Variants in PALM2AKAP2 observed in about 807,000 individuals in gnomAD.
PALM2AKAP2 encodes the protein PALM2-AKAP2 fusion protein.
Under a neutral mutation model 71.5 loss-of-function variants are expected in PALM2AKAP2, and 37 were observed. That is an observed-to-expected ratio of 0.52 (90% CI 0.40 to 0.68). The LOEUF is 0.68. Ranked by LOEUF, PALM2AKAP2 falls within the 30% of genes least tolerant of loss-of-function variation. The pLI, the probability that PALM2AKAP2 is intolerant of heterozygous loss-of-function variation, is 0.00. For missense variants in PALM2AKAP2, 1,224 were observed against 1,191.8 expected (o/e 1.03, Z -0.40); for synonymous variants, 468 against 478.8 (o/e 0.98, Z 0.29).
At chr9:109,979,971 C>T (rs1832240139) in intron 6 of PALM2AKAP2, among the ~76,000 whole-genome samples, 1 of 152,136 alleles carries the variant, frequency 6.6e-6, no homozygotes, top group Non-Finnish European at 1.5e-5. Flanking sequence ...TGGGAATAGG[C>T]TGCTTTTCAA....
At chr9:109,918,150 A>G (rs954344424) in intron 3 of PALM2AKAP2, among the ~76,000 whole-genome samples, 2 of 152,224 alleles carry the variant, frequency 1.3e-5, no homozygotes, top group Non-Finnish European at 2.9e-5. Flanking sequence ...ATGAGCAGAC[A>G]CTGTGTCTGA....
chr9:109,676,474 A>G (rs1827650823), intron 1 of PALM2AKAP2, among the ~76,000 whole-genome samples: 1 of 152,204 alleles, frequency 6.6e-6, no homozygotes, highest in South Asian at 2.1e-4. Context: ...TTTTACTGCA[A>G]TCATTGAGAC....
At chr9:110,075,772 GAA>G (rs1184457057) in intron 1 of PALM2AKAP2, among the ~76,000 whole-genome samples, 1 of 151,882 alleles carries the variant, frequency 6.6e-6, no homozygotes, top group African/African-American at 2.4e-5. Flanking sequence ...TTTAAACTTA[GAA>G]AAGAGTTGCA....
intron 1 of PALM2AKAP2, among the ~76,000 whole-genome samples, chr9:109,844,973 G>A (rs1026841344): frequency 8.1e-5 from 12 of 147,776 alleles, no homozygotes; most frequent in African/African-American, 2.6e-4. Context: ...GTGCACACAC[G>A]CATGCACGCA....
At chr9:109,928,141 C>T (rs1285776400) in intron 5 of PALM2AKAP2, among the ~76,000 whole-genome samples, 1 of 152,156 alleles carries the variant, frequency 6.6e-6, no homozygotes, top group East Asian at 1.9e-4. Flanking sequence ...TCACTCTTGT[C>T]GCCCAGGCTG....
At chr9:109,672,945 G>A (rs12346582) in intron 1 of PALM2AKAP2, among the ~76,000 whole-genome samples, 55,458 of 151,710 alleles carry the variant, frequency 0.37, 10,400 homozygotes, top group Middle Eastern at 0.51. Flanking sequence ...GGTCAGTGAT[G>A]ATATCCTCCT....
At position 109,700,368 on chromosome 9, in the gene PALM2AKAP2, C is replaced by T. The variant is rs536945106; in HGVS notation, c.5+59502C>T. On this transcript the variant is annotated intron_variant, in intron 1 of 6. Coordinates refer to the PALM2AKAP2 transcript ENST00000374531. ...CTCTCTTGCCTGCTATCATGTAAGA[C>T]GTGACTTTGCTCCTCCTTCGCCTTC... Among the ~76,000 whole-genome samples, 3 of 152,256 alleles carry T rather than the reference C, an allele frequency of 2.0e-5. No individual in the cohort carries two copies. The South Asian group carries it at 6.2e-4, about 32-fold the overall frequency.
At chr9:110,075,743 C>T (rs1834306905) in intron 1 of PALM2AKAP2, among the ~76,000 whole-genome samples, 1 of 151,876 alleles carries the variant, frequency 6.6e-6, no homozygotes, top group Admixed American at 6.6e-5. Flanking sequence ...GATATTTTAC[C>T]TTTTTATTTT....
chr9:109,789,924 C>G (rs529849029), intron 1 of PALM2AKAP2, among the ~76,000 whole-genome samples: 38 of 152,202 alleles, frequency 2.5e-4, no homozygotes, highest in African/African-American at 7.0e-4. Context: ...CTGACAGACA[C>G]AGAGACAAGA....
chr9:110,019,133 G>A (rs1833030339), intron 7 of PALM2AKAP2, among the ~76,000 whole-genome samples: 1 of 151,672 alleles, frequency 6.6e-6, no homozygotes, highest in East Asian at 1.9e-4. Flanking sequence ...AAAGCTACTA[G>A]GGAGGCTGAG....
intron 7 of PALM2AKAP2, among the ~76,000 whole-genome samples, chr9:110,039,131 C>G (rs1430876829): frequency 6.6e-6 from 1 of 151,820 alleles, no homozygotes; most frequent in Non-Finnish European, 1.5e-5. Flanking sequence ...TGCCTATAGA[C>G]CCAGCTACGC....
rs539263490 is a variant in PALM2AKAP2, at chr9:110,100,762, TTC to T, written c.157-35364_157-35363del. Among the ~76,000 whole-genome samples the T allele has an allele frequency of 4.0e-3, 606 of 152,284 alleles. 5 individuals carry two copies. The highest frequency in any genetic ancestry group is 0.014 in the African/African-American group (578 of 41,562). On this transcript the variant is annotated intron_variant, in intron 1 of 3. Coordinates refer to ENST00000374525, the Ensembl canonical transcript of PALM2AKAP2. Reference sequence around the variant, plus strand: ...AGATCCTTCTGGATAACTACTACAATTCCTGGGATATTCTTACAGTGGGCACA... The same window carrying T: ...AGATCCTTCTGGATAACTACTACAATCTGGGATATTCTTACAGTGGGCACA...
At chr9:109,869,631 A>G (rs1829550855) in intron 2 of PALM2AKAP2, among the ~76,000 whole-genome samples, 1 of 114,982 alleles carries the variant, frequency 8.7e-6, no homozygotes, top group Non-Finnish European at 1.9e-5. Context: ...TTTTTCGTCT[A>G]TGCATCCATT....
At chr9:110,084,828 C>T (rs961734951) in intron 1 of PALM2AKAP2, among the ~76,000 whole-genome samples, 20 of 151,984 alleles carry the variant, frequency 1.3e-4, no homozygotes, top group Admixed American at 1.1e-3. Flanking sequence ...CTCCACCTCC[C>T]GGGTTCAAGC....
At chr9:110,056,355 C>G (rs940011230) in intron 1 of PALM2AKAP2, among the ~76,000 whole-genome samples, 2 of 152,168 alleles carry the variant, frequency 1.3e-5, no homozygotes, top group African/African-American at 4.8e-5. Flanking sequence ...TTTGATACCG[C>G]CTACAAATGG....
intron 1 of PALM2AKAP2, among the ~76,000 whole-genome samples, chr9:109,754,960 G>T (rs1828937582): frequency 6.6e-6 from 1 of 152,138 alleles, no homozygotes. Flanking sequence ...AGTCATCATT[G>T]CTGCCTCTAG....
chr9:109,645,398 A>G (rs1306018831), intron 1 of PALM2AKAP2, among the ~76,000 whole-genome samples: 1 of 152,200 alleles, frequency 6.6e-6, no homozygotes, highest in Non-Finnish European at 1.5e-5. Context: ...GAATTGTGGG[A>G]GCTACAAGAC....
chr9:109,810,986 C>T (rs1379870009), intron 1 of PALM2AKAP2, among the ~76,000 whole-genome samples: 5 of 151,888 alleles, frequency 3.3e-5, no homozygotes, highest in Non-Finnish European at 7.4e-5. Flanking sequence ...CATCAGCTGG[C>T]AGGGAGGAAG....
intron 1 of PALM2AKAP2, among the ~76,000 whole-genome samples, chr9:109,810,144 A>G (rs1347120071): frequency 6.6e-6 from 1 of 152,220 alleles, no homozygotes; most frequent in African/African-American, 2.4e-5. Flanking sequence ...CATTCAGTCC[A>G]TAGCATGCAG....
Sources: allele counts gnomAD v4.1 joint callset (sites outside exome capture counted in the v4.1 genomes callset), GRCh38; gene constraint gnomAD v4.1.1; transcripts MANE v1.5; gene names NCBI Gene and HGNC (gene_info 2026-07-23, HGNC 2026-07-21).